The following ZMAT3 variants were observed in gnomAD, a reference collection of about 807,000 sequenced individuals.
The protein encoded by ZMAT3 is zinc finger matrin-type protein 3.
In ZMAT3, 17 loss-of-function variants were observed where a neutral mutation model predicts 32.3. The observed-to-expected ratio is 0.53, with a 90% CI of 0.36 to 0.79. The LOEUF (loss-of-function observed/expected upper bound fraction) is 0.79. ZMAT3 is among the 30% of genes least tolerant of loss of function. The probability of loss-of-function intolerance (pLI) is 0.00; values close to 1 mark genes in which losing one functional copy is unlikely to be tolerated. For synonymous variants in ZMAT3, 120 were observed against 133.1 expected, an observed-to-expected ratio of 0.90 and a Z score of 0.68; for missense variants, 329 against 359.7, an observed-to-expected ratio of 0.91 and a Z score of 0.69.
At chr3:179,044,112 A>G (rs1317883629) in intron 2 of ZMAT3, among the ~76,000 whole-genome samples, 3 of 152,242 alleles carry the variant, frequency 2.0e-5, no homozygotes, top group Non-Finnish European at 4.4e-5. Flanking sequence ...GGAACGCTTT[A>G]CACTGTTGGT....
intron 2 of ZMAT3, among the ~76,000 whole-genome samples, chr3:179,036,418 T>C (rs1402637643): frequency 6.6e-6 from 1 of 152,098 alleles, no homozygotes; most frequent in African/African-American, 2.4e-5. Flanking sequence ...TTTAAAGCTA[T>C]GGAGCCAAAA....
intron 2 of ZMAT3, among the ~76,000 whole-genome samples, chr3:179,035,747 A>G (rs1719553659): frequency 6.6e-6 from 1 of 152,244 alleles, no homozygotes; most frequent in Non-Finnish European, 1.5e-5. Flanking sequence ...ACTGTTGGAT[A>G]AATGAACCAA....
chr3:179,060,104 A>T (rs1436455057), intron 2 of ZMAT3, among the ~76,000 whole-genome samples: 2 of 152,080 alleles, frequency 1.3e-5, no homozygotes, highest in Non-Finnish European at 2.9e-5. Context: ...CTCCCTTTGT[A>T]TGGGAGCTCT....
chr3:179,040,224 A>G (rs1027129971), intron 2 of ZMAT3, among the ~76,000 whole-genome samples: 5 of 152,222 alleles, frequency 3.3e-5, no homozygotes, highest in African/African-American at 1.2e-4. Context: ...TTCAGGAAAT[A>G]CAGGGAATGC....
At chr3:179,069,286 G>A (rs912966725) in intron 1 of ZMAT3, among the ~76,000 whole-genome samples, 1 of 151,970 alleles carries the variant, frequency 6.6e-6, no homozygotes, top group Admixed American at 6.6e-5. Flanking sequence ...CCTCAGAAAA[G>A]ACCCAAAATG....
Position 179,024,876 on chromosome 3 carries a change from A to C in ZMAT3, c.*141T>G. 17 of 666,994 alleles carry C rather than the reference A, an allele frequency of 2.5e-5. No homozygotes were observed. The highest frequency in any genetic ancestry group is 3.9e-5 in the Non-Finnish European group (16 of 413,316). 41.3% of individuals were successfully genotyped at this position (666,994 alleles called of 1,614,324 possible). On this transcript the variant is annotated 3_prime_UTR_variant, in exon 6 of 6. Coordinates refer to ENST00000311417, the MANE Select transcript of ZMAT3 (RefSeq NM_022470.4). ...CGCCCCCGGGCCCCCAGGTTTTGAC[A>C]TCTCATGGTACCACTGTGGGTTACA...
At chr3:179,044,584 C>G (rs774817286) in intron 2 of ZMAT3, among the ~76,000 whole-genome samples, 4 of 152,056 alleles carry the variant, frequency 2.6e-5, no homozygotes, top group Non-Finnish European at 5.9e-5. Context: ...GCGGAGCTTG[C>G]AGTGAGCCAA....
intron 2 of ZMAT3, among the ~76,000 whole-genome samples, chr3:179,066,131 A>G (rs1378818390): frequency 6.6e-6 from 1 of 152,080 alleles, no homozygotes; most frequent in African/African-American, 2.4e-5. Flanking sequence ...ATGCTAACAG[A>G]CTCTGCTTGA....
At position 179,022,503 on chromosome 3, in the gene ZMAT3, G is replaced by A. The variant is rs1371884891; in HGVS notation, c.*2514C>T. ...TTTTTAGGTAATCATAGAACCAAGC[G>A]GCCAGCACTATAATGTTAAAATTAA... On this transcript the variant is annotated 3_prime_UTR_variant, in exon 6 of 6. Transcript: ENST00000311417. The A allele has an allele frequency of 6.6e-6, 1 of 151,644 alleles. No individual in the cohort carries two copies. Among genetic ancestry groups the A allele is most frequent in the Admixed American group, 6.6e-5 (1 of 15,220 alleles). 9.4% of individuals were successfully genotyped at this position (151,644 alleles called of 1,614,324 possible).
intron 3 of ZMAT3, among the ~76,000 whole-genome samples, chr3:179,029,302 T>C (rs1325266447): frequency 1.3e-5 from 2 of 152,092 alleles, no homozygotes; most frequent in Non-Finnish European, 2.9e-5. Flanking sequence ...ATTTGAGTAA[T>C]ATGGCCAATA....
intron 2 of ZMAT3, among the ~76,000 whole-genome samples, chr3:179,031,965 T>C (rs535728146): frequency 0.016 from 40 of 2,568 alleles, no homozygotes; most frequent in Non-Finnish European, 0.02. Flanking sequence ...CTCCCCCTCC[T>C]CCTCCCCCTC....
rs1327881536 is a variant in ZMAT3, at chr3:179,066,332, C to CA, written c.270+1150dup. Among the ~76,000 whole-genome samples, 25 of 152,286 alleles carry CA rather than the reference C, an allele frequency of 1.6e-4. 1 individual carries two copies. Among genetic ancestry groups the CA allele is most frequent in the African/African-American group, 6.0e-4 (25 of 41,564 alleles). ...CAACTCTCTGCACCTGAGGGCAAAA[C>CA]AAAACCACATAATGGGAACTTAAAG... On this transcript the variant is annotated intron_variant, in intron 2 of 5. Transcript: ENST00000311417.
chr3:179,027,363 TA>T, intron 5 of ZMAT3, 59 bp downstream of exon 5: 1 of 1,455,028 alleles, frequency 6.9e-7, no homozygotes, highest in Non-Finnish European at 9.5e-7. Flanking sequence ...TTAAAAGAAA[TA>T]AAAACAAAGG....
chr3:179,044,530 G>A (rs896055240), intron 2 of ZMAT3, among the ~76,000 whole-genome samples: 2 of 152,138 alleles, frequency 1.3e-5, no homozygotes, highest in African/African-American at 4.8e-5. Flanking sequence ...TGTAGTCCCA[G>A]CTACTTGGGA....
intron 2 of ZMAT3, among the ~76,000 whole-genome samples, chr3:179,057,007 T>C (rs994384933): frequency 2.0e-4 from 31 of 152,066 alleles, no homozygotes; most frequent in African/African-American, 7.0e-4. Flanking sequence ...AAAAGGACAA[T>C]ATGGATGAGC....
At chr3:179,032,096 C>T (rs1284710952) in intron 2 of ZMAT3, among the ~76,000 whole-genome samples, 1 of 146,170 alleles carries the variant, frequency 6.8e-6, no homozygotes, top group Non-Finnish European at 1.5e-5. Context: ...TCACTGCAAC[C>T]TCCCTGCCTG....
At chr3:179,060,403 A>C (rs1284884614) in intron 2 of ZMAT3, among the ~76,000 whole-genome samples, 1 of 151,218 alleles carries the variant, frequency 6.6e-6, no homozygotes, top group Admixed American at 6.6e-5. Context: ...TTTTTTTGGG[A>C]GACCAAGGCA....
At chr3:179,025,502 G>A (rs1165615480) in intron 5 of ZMAT3, among the ~76,000 whole-genome samples, 3 of 152,088 alleles carry the variant, frequency 2.0e-5, no homozygotes, top group Admixed American at 2.0e-4. Flanking sequence ...AAGTGAATAC[G>A]CTTTTAAAAA....
rs1489610760 is a variant in ZMAT3 at position 179,023,499 on chromosome 3, C to T, written c.*1518G>A. The stretch of plus-strand genomic sequence containing the variant: ...GTGGTGATATTTTTCAGGATGGCCA[C>T]CAGACTGGCAAGACAGAGGAAAATG... On this transcript the variant is annotated 3_prime_UTR_variant, in exon 6 of 6. Coordinates refer to ENST00000311417, the MANE Select transcript of ZMAT3 (RefSeq NM_022470.4). 2 of 150,276 alleles carry T rather than the reference C, an allele frequency of 1.3e-5. No homozygotes were observed. Among genetic ancestry groups the T allele is most frequent in the Admixed American group, 1.3e-4 (2 of 15,034 alleles). The allele number at this position is 150,276 out of a possible 1,614,324, so 9.3% of individuals were successfully genotyped here.
Sources: allele counts gnomAD v4.1 joint callset (sites outside exome capture counted in the v4.1 genomes callset), GRCh38; gene constraint gnomAD v4.1.1; transcripts MANE v1.5; gene names NCBI Gene and HGNC (gene_info 2026-07-23, HGNC 2026-07-21).